Variants in UPP2 observed in about 807,000 individuals in gnomAD.
UPP2 encodes the protein uridine phosphorylase 2, also known as UPase 2.
A neutral mutation model predicts 26.7 loss-of-function variants in UPP2; 23 were observed. That is an observed-to-expected ratio of 0.86 (90% confidence interval 0.62 to 1.22). UPP2 has a LOEUF of 1.22. Among genes scored for constraint, UPP2 ranks in the 50% most tolerant of loss-of-function variants. The pLI, the probability that UPP2 is intolerant of heterozygous loss-of-function variation, is 0.00. For missense variants in UPP2, 387 were observed against 396.7 expected (o/e 0.98, Z 0.21); for synonymous variants, 127 against 141.3 (o/e 0.90, Z 0.72).
At chr2:158,104,414 C>T (rs1683136886) in intron 1 of UPP2, among the ~76,000 whole-genome samples, 1 of 151,990 alleles carries the variant, frequency 6.6e-6, no homozygotes, top group African/African-American at 2.4e-5. Flanking sequence ...TTTGGCTTCA[C>T]CAAAGATCAT....
chr2:158,001,980 A>G (rs1404342349), intron 2 of UPP2, among the ~76,000 whole-genome samples: 1 of 146,780 alleles, frequency 6.8e-6, no homozygotes, highest in African/African-American at 2.6e-5. Context: ...AAAAAAAAAA[A>G]AAGAAGAGAG....
intron 6 of UPP2, among the ~76,000 whole-genome samples, chr2:158,125,198 T>C (rs1485614559): frequency 6.6e-6 from 1 of 152,202 alleles, no homozygotes; most frequent in Admixed American, 6.5e-5. Context: ...AAGTGGAATT[T>C]GACTTGCAAA....
chr2:157,996,694 C>T (rs189167860), intron 2 of UPP2, among the ~76,000 whole-genome samples: 1 of 152,258 alleles, frequency 6.6e-6, no homozygotes, highest in Non-Finnish European at 1.5e-5. Flanking sequence ...CATAGAAGCC[C>T]ACATACTTAG....
chr2:158,120,834 G>A (rs1164597904), intron 4 of UPP2, among the ~76,000 whole-genome samples: 2 of 151,908 alleles, frequency 1.3e-5, no homozygotes, highest in Non-Finnish European at 2.9e-5. Context: ...AGGAGGAGAT[G>A]GCATGGCAGG....
chr2:158,052,928 C>CA (rs773523632), intron 3 of UPP2, among the ~76,000 whole-genome samples: 60 of 152,160 alleles, frequency 3.9e-4, no homozygotes, highest in Admixed American at 8.5e-4. Flanking sequence ...ACTTTATTTA[C>CA]AAAAACAGGC....
chr2:158,008,618 G>A (rs1185652563), intron 2 of UPP2, among the ~76,000 whole-genome samples: 1 of 152,106 alleles, frequency 6.6e-6, no homozygotes, highest in African/African-American at 2.4e-5. Context: ...TGTAAGATTA[G>A]CACTATTATT....
intron 3 of UPP2, among the ~76,000 whole-genome samples, chr2:158,051,055 T>C (rs1262645162): frequency 1.3e-5 from 2 of 151,800 alleles, no homozygotes; most frequent in Non-Finnish European, 2.9e-5. Flanking sequence ...ATGTACCCCA[T>C]AAATATATAT....
intron 6 of UPP2, among the ~76,000 whole-genome samples, chr2:158,125,708 C>T (rs1354059693): frequency 1.3e-5 from 2 of 152,140 alleles, no homozygotes; most frequent in African/African-American, 4.8e-5. Flanking sequence ...GAGTGAGCCA[C>T]CACGCCCAGC....
chr2:158,019,877 A>G (rs1300276190), intron 3 of UPP2, among the ~76,000 whole-genome samples: 1 of 152,186 alleles, frequency 6.6e-6, no homozygotes, highest in African/African-American at 2.4e-5. Flanking sequence ...GGTTACGTAA[A>G]TTTACACATG....
At chr2:158,058,606 T>A (rs1682301200) in intron 3 of UPP2, among the ~76,000 whole-genome samples, 1 of 152,110 alleles carries the variant, frequency 6.6e-6, no homozygotes, top group African/African-American at 2.4e-5. Flanking sequence ...AATTCTATTA[T>A]TTAAGCCATC....
At chr2:158,016,583 T>C (rs1242751095) in intron 3 of UPP2, among the ~76,000 whole-genome samples, 3 of 152,056 alleles carry the variant, frequency 2.0e-5, no homozygotes, top group African/African-American at 7.2e-5. Flanking sequence ...TCAAGTGATC[T>C]GCCTGCCTCG....
At chr2:158,019,921 A>G (rs906472627) in intron 3 of UPP2, among the ~76,000 whole-genome samples, 4 of 152,152 alleles carry the variant, frequency 2.6e-5, no homozygotes, top group African/African-American at 9.7e-5. Flanking sequence ...GAAAAAGTCG[A>G]TTTTATTGTA....
intron 3 of UPP2, among the ~76,000 whole-genome samples, chr2:158,042,315 C>G (rs745651690): frequency 2.6e-5 from 4 of 152,088 alleles, no homozygotes; most frequent in Admixed American, 6.6e-5. Context: ...GGAAGAACAA[C>G]CCCCCTCGCT....
chr2:158,104,470 G>C (rs1218045138), intron 1 of UPP2, among the ~76,000 whole-genome samples: 1 of 152,158 alleles, frequency 6.6e-6, no homozygotes, highest in Non-Finnish European at 1.5e-5. Flanking sequence ...AAAATACAGA[G>C]TGTCTAAATT....
chr2:158,070,709 A>G (rs1214323897), intron 3 of UPP2, among the ~76,000 whole-genome samples: 6 of 152,278 alleles, frequency 3.9e-5, no homozygotes, highest in Admixed American at 3.9e-4. Context: ...CATAAGAACC[A>G]AAAGTCAGGT....
chr2:158,106,041 CTTGTGAG>C, intron 1 of UPP2, 51 bp from the exon 2 acceptor site: 1 of 1,314,768 alleles, frequency 7.6e-7, no homozygotes, highest in East Asian at 2.5e-5. Context: ...GACTTTCTTT[CTTGTGAG>C]CTTTCTCTCA....
At chr2:158,056,282 A>T (rs985247971) in intron 3 of UPP2, among the ~76,000 whole-genome samples, 3 of 152,104 alleles carry the variant, frequency 2.0e-5, no homozygotes, top group African/African-American at 7.2e-5. Context: ...CCACACCGAG[A>T]TTCCCCATTA....
rs192276307 is a variant in UPP2 at position 158,060,928 on chromosome 2, C to T, written c.148-41112C>T. ...ATAAATGTTTGTTCTTTAAGTCACC[C>T]GGTCTATGGCATTTTAGTATGGCAG... On this transcript the variant is annotated intron_variant, in intron 3 of 9. Coordinates refer to the UPP2 transcript ENST00000605860. Among the ~76,000 whole-genome samples the T allele has an allele frequency of 4.5e-4, 68 of 152,258 alleles. No homozygotes were observed. In the South Asian group the frequency reaches 6.0e-3, roughly 13 times the overall value.
intron 3 of UPP2, among the ~76,000 whole-genome samples, chr2:158,073,989 A>G (rs1423168428): frequency 1.3e-5 from 2 of 152,160 alleles, no homozygotes; most frequent in African/African-American, 2.4e-5. Context: ...AGCTTGGGCA[A>G]TGCAGTGAGA....
Sources: allele counts gnomAD v4.1 joint callset (sites outside exome capture counted in the v4.1 genomes callset), GRCh38; gene constraint gnomAD v4.1.1; transcripts MANE v1.5; gene names NCBI Gene and HGNC (gene_info 2026-07-23, HGNC 2026-07-21).